The following PGM1 variants were observed in gnomAD, a reference collection of about 807,000 sequenced individuals.
The protein encoded by PGM1 is phosphoglucomutase 1.
PGM1 carries 52 observed loss-of-function variants against 55.6 expected under a neutral mutation model. The observed-to-expected ratio is 0.94, with a 90% CI of 0.75 to 1.18. PGM1 has a LOEUF of 1.18. Among genes scored for constraint, PGM1 ranks in the 50% most tolerant of loss-of-function variants. The pLI, the probability that PGM1 is intolerant of heterozygous loss-of-function variation, is 0.00. For synonymous variants in PGM1, 287 were observed against 271.7 expected, an observed-to-expected ratio of 1.06 and a Z score of -0.55; for missense variants, 724 against 729.3, an observed-to-expected ratio of 0.99 and a Z score of 0.08.
At chr1:63,627,561 C>T (rs913607048) in intron 1 of PGM1, among the ~76,000 whole-genome samples, 4 of 152,114 alleles carry the variant, frequency 2.6e-5, no homozygotes, top group African/African-American at 7.2e-5. Flanking sequence ...AGATGTACCT[C>T]TTCTTGGGCT....
intron 1 of PGM1, among the ~76,000 whole-genome samples, chr1:63,607,684 A>T (rs1443234151): frequency 1.3e-5 from 2 of 152,166 alleles, no homozygotes; most frequent in Non-Finnish European, 2.9e-5. Flanking sequence ...TTATAAACAT[A>T]TTTGAACTTA....
At chr1:63,626,618 G>A (rs200094329) in intron 1 of PGM1, among the ~76,000 whole-genome samples, 1 of 150,366 alleles carries the variant, frequency 6.7e-6, no homozygotes. Flanking sequence ...GAAAAAAAAA[G>A]AAAAAAAAAA....
At position 63,608,269 on chromosome 1, in the gene PGM1, C is replaced by T. The variant is rs538994883; in HGVS notation, c.246+14535C>T. On this transcript the variant is annotated intron_variant, in intron 1 of 10. Transcript: ENST00000371084. The stretch of plus-strand genomic sequence containing the variant: ...CTGGCATTCTGCTTTCTGCAGCCTA[C>T]CGCAGTGGCCTGGGGATACAGTTCT... Among the ~76,000 whole-genome samples the T allele has an allele frequency of 3.9e-5, 6 of 152,338 alleles. No homozygotes were observed. The East Asian group carries it at 9.6e-4, about 24-fold the overall frequency.
chr1:63,626,934 T>C (rs1165175314), intron 1 of PGM1, among the ~76,000 whole-genome samples: 1 of 152,084 alleles, frequency 6.6e-6, no homozygotes, highest in African/African-American at 2.4e-5. Context: ...TGTTGACTTC[T>C]TTAAATACCT....
intron 1 of PGM1, among the ~76,000 whole-genome samples, chr1:63,616,356 A>T (rs1648712232): frequency 6.6e-6 from 1 of 152,174 alleles, no homozygotes; most frequent in African/African-American, 2.4e-5. Context: ...GCACATCTTC[A>T]AATTGAGGAG....
rs145501679 is a variant in PGM1 at position 63,640,775 on chromosome 1, T to G, written c.1144+1975T>G. On this transcript the variant is annotated intron_variant, in intron 7 of 10. Coordinates refer to ENST00000371084, the MANE Select transcript of PGM1 (RefSeq NM_002633.3). ...CCTTCCTTCTTCAGGCCGTCCATCT[T>G]TGTTTCCTCCAGTCATTCCTCATTT... Among the ~76,000 whole-genome samples the G allele has an allele frequency of 1.7e-3, 252 of 152,276 alleles. 2 individuals carry two copies. Among genetic ancestry groups the G allele is most frequent in the African/African-American group, 5.6e-3 (234 of 41,550 alleles).
At chr1:63,621,688 C>A (rs1648882579) in intron 1 of PGM1, among the ~76,000 whole-genome samples, 1 of 152,118 alleles carries the variant, frequency 6.6e-6, no homozygotes, top group Non-Finnish European at 1.5e-5. Flanking sequence ...AAATTAAGAG[C>A]CCAAAATAAG....
intron 1 of PGM1, chr1:63,623,907 G>A (rs1004671579): frequency 3.3e-6 from 2 of 612,588 alleles, no homozygotes; most frequent in African/African-American, 3.7e-5. Context: ...TTCAGTGATT[G>A]TATATTGTGA....
At chr1:63,650,876 T>A (rs541485495) in intron 8 of PGM1, among the ~76,000 whole-genome samples, 2 of 151,674 alleles carry the variant, frequency 1.3e-5, no homozygotes, top group African/African-American at 4.9e-5. Flanking sequence ...CCACTGCCAC[T>A]GAAAGGAGGG....
intron 4 of PGM1, among the ~76,000 whole-genome samples, chr1:63,634,264 A>G (rs1649302043): frequency 6.6e-6 from 1 of 152,134 alleles, no homozygotes; most frequent in Non-Finnish European, 1.5e-5. Flanking sequence ...CATTTATAAC[A>G]TATCTGCCAG....
chr1:63,656,139 C>T (rs1481524024), intron 10 of PGM1: 1 of 152,068 alleles, frequency 6.6e-6, no homozygotes, highest in Non-Finnish European at 1.5e-5. Context: ...GACATTTCTC[C>T]AAAGAAAACA....
At chr1:63,652,630 A>C (rs942391688) in intron 9 of PGM1, among the ~76,000 whole-genome samples, 1 of 152,210 alleles carries the variant, frequency 6.6e-6, no homozygotes, top group African/African-American at 2.4e-5. Context: ...GAGCAGGATG[A>C]AGATTCTGTT....
rs11208262 is a variant in PGM1, at chr1:63,659,080, C to T, written c.1600-506C>T. 0.17 allele frequency among the ~76,000 whole-genome samples: 26,525 copies of T among 152,156 alleles called. 2,651 individuals are homozygous for T. Among genetic ancestry groups the T allele is most frequent in the Admixed American group, 0.28 (4,336 of 15,294 alleles). ...CTCCCACCGGGTCCCTCCCACAACA[C>T]TTGGGAATTATGGGAGCTACAAGAT... is the stretch of plus-strand genomic sequence containing the variant. On this transcript the variant is annotated intron_variant, in intron 10 of 10. Transcript: ENST00000371084.
intron 1 of PGM1, among the ~76,000 whole-genome samples, chr1:63,624,281 C>G (rs1225203678): frequency 6.6e-6 from 1 of 152,086 alleles, no homozygotes. Context: ...AGGTGTGAGC[C>G]TTTTGAGGGG....
chr1:63,593,942 G>A (rs1037162798), intron 1 of PGM1: 2 of 1,220,894 alleles, frequency 1.6e-6, no homozygotes, highest in Non-Finnish European at 2.0e-6. Context: ...CACGGGACCC[G>A]GCAGACCTGC....
chr1:63,604,852 C>T (rs1399634544), intron 1 of PGM1, among the ~76,000 whole-genome samples: 2 of 151,864 alleles, frequency 1.3e-5, no homozygotes, highest in African/African-American at 4.8e-5. Context: ...GACAAATTAT[C>T]AGGCCCCCTG....
At chr1:63,629,648 T>A in intron 2 of PGM1, 61 bp downstream of exon 2, 1 of 1,523,696 alleles carries the variant, frequency 6.6e-7, no homozygotes. Flanking sequence ...AATCAATACC[T>A]GGAGCCTTGG....
chr1:63,627,710 T>G (rs2100980274), intron 1 of PGM1, among the ~76,000 whole-genome samples: 1 of 152,248 alleles, frequency 6.6e-6, no homozygotes, highest in South Asian at 2.1e-4. Flanking sequence ...GTGGTGTAGC[T>G]TAATATCACC....
At chr1:63,618,310 A>G (rs1648795461) in intron 1 of PGM1, among the ~76,000 whole-genome samples, 1 of 152,190 alleles carries the variant, frequency 6.6e-6, no homozygotes, top group Non-Finnish European at 1.5e-5. Context: ...TATAAATATA[A>G]TACAGTCCAA....
Sources: gnomAD v4.1 joint callset for allele counts (sites outside exome capture counted in the v4.1 genomes callset) on GRCh38, gnomAD v4.1.1 for gene constraint, MANE v1.5 for transcripts, NCBI Gene and HGNC (gene_info 2026-07-23, HGNC 2026-07-21) for gene names.